Variants in DNER observed in about 807,000 individuals in gnomAD.
The protein encoded by DNER is delta/notch like EGF repeat containing.
Under a neutral mutation model 78.2 loss-of-function variants are expected in DNER, and 33 were observed. The ratio of observed to expected loss-of-function variants is 0.42; its 90% CI spans 0.32 to 0.56. The LOEUF is 0.56. Ranked by LOEUF, DNER falls within the 20% of genes least tolerant of loss-of-function variation. The pLI is 0.11. For synonymous variants in DNER, 417 were observed against 384.8 expected (o/e 1.08, Z -0.98); for missense variants, 918 against 975.3 (o/e 0.94, Z 0.78).
rs193062618 is a variant in DNER, at chr2:229,636,264, C to A, written c.277-44376G>T. Among the ~76,000 whole-genome samples, 3 of 152,292 alleles carry A rather than the reference C, an allele frequency of 2.0e-5. No homozygotes were observed. The East Asian group carries it at 5.8e-4, about 29-fold the overall frequency. On this transcript the variant is annotated intron_variant, in intron 1 of 12. Coordinates refer to ENST00000341772, the MANE Select transcript of DNER (RefSeq NM_139072.4). Reference sequence around the variant, plus strand: ...TCACATCCAACAGCTGGGCTCAGTCCCTCAGAATCCCTGAGTCAGAAGCAC... The same window carrying A: ...TCACATCCAACAGCTGGGCTCAGTCACTCAGAATCCCTGAGTCAGAAGCAC...
intron 4 of DNER, among the ~76,000 whole-genome samples, chr2:229,548,151 T>C (rs575137701): frequency 2.0e-5 from 3 of 152,124 alleles, no homozygotes; most frequent in South Asian, 2.1e-4. Flanking sequence ...TAGGAGTCAG[T>C]GGGGAAAAGA....
Position 229,447,405 on chromosome 2 carries a change from G to A in DNER, c.1397C>T (p.Ala466Val), listed in dbSNP as rs1220907594. The change falls in exon 8 of 13, where the codon GCC becomes GTC. Residue 466 changes from alanine to valine, a missense_variant. Coordinates refer to ENST00000341772, the MANE Select transcript of DNER (RefSeq NM_139072.4). ...CSPGFTGPTCAQLIDFCALSP... is the reference protein window; with the variant it reads ...CSPGFTGPTCVQLIDFCALSP... ...GAGGGCACAGAAGTCAATAAGCTGGGCACAGGTCGGCCCTGTGAAGCCCGG... is the reference window on the plus strand; with the variant it reads ...GAGGGCACAGAAGTCAATAAGCTGGACACAGGTCGGCCCTGTGAAGCCCGG... The A allele has an allele frequency of 1.2e-6, 2 of 1,613,788 alleles. No individual in the cohort carries two copies. The highest frequency in any genetic ancestry group is 4.5e-5 in the East Asian group (2 of 44,874).
At chr2:229,380,512 C>T (rs1299593065) in intron 11 of DNER, among the ~76,000 whole-genome samples, 1 of 152,218 alleles carries the variant, frequency 6.6e-6, no homozygotes, top group Non-Finnish European at 1.5e-5. Context: ...AGGGAGGAAA[C>T]TTTCACCCAA....
chr2:229,457,127 A>G (rs1267471512), intron 7 of DNER, among the ~76,000 whole-genome samples: 1 of 152,118 alleles, frequency 6.6e-6, no homozygotes, highest in Non-Finnish European at 1.5e-5. Context: ...CAGCTGAGAA[A>G]GTTTGTTGCC....
intron 7 of DNER, among the ~76,000 whole-genome samples, chr2:229,475,761 A>G (rs566620974): frequency 6.6e-6 from 1 of 152,318 alleles, no homozygotes; most frequent in Non-Finnish European, 1.5e-5. Context: ...TGTAACTTTC[A>G]GGTAACAATC....
rs150551751 is a variant in DNER at position 229,415,249 on chromosome 2, C to A, written c.1609+2859G>T. ...TAGTTGCTAGCTTTCAAAGAGCAAG[C>A]TGTCACAAATCCTACAGCCACGAGG... On this transcript the variant is annotated intron_variant, in intron 9 of 12. Transcript: ENST00000341772. Among the ~76,000 whole-genome samples, 472 of 152,246 alleles carry A rather than the reference C, an allele frequency of 3.1e-3. 3 individuals carry two copies. The highest frequency in any genetic ancestry group is 0.011 in the African/African-American group (442 of 41,538).
At chr2:229,651,760 T>C (rs1056785402) in intron 1 of DNER, among the ~76,000 whole-genome samples, 3 of 152,148 alleles carry the variant, frequency 2.0e-5, no homozygotes, top group African/African-American at 7.2e-5. Flanking sequence ...AATAAGTCCC[T>C]GGATTTCAAA....
intron 1 of DNER, among the ~76,000 whole-genome samples, chr2:229,701,364 A>G (rs1699743829): frequency 6.6e-6 from 1 of 152,266 alleles, no homozygotes; most frequent in Non-Finnish European, 1.5e-5. Context: ...TAAGGTTGCC[A>G]TATTTAGCTA....
At chr2:229,464,652 T>C (rs113143684) in intron 7 of DNER, among the ~76,000 whole-genome samples, 1 of 152,162 alleles carries the variant, frequency 6.6e-6, no homozygotes, top group African/African-American at 2.4e-5. Context: ...TTCAAGACTT[T>C]CCATTCTAGT....
intron 4 of DNER, among the ~76,000 whole-genome samples, chr2:229,578,174 C>A (rs1253481742): frequency 6.6e-6 from 1 of 152,172 alleles, no homozygotes; most frequent in Non-Finnish European, 1.5e-5. Flanking sequence ...TGCTAAGCAT[C>A]TTTCACTTCC....
intron 1 of DNER, among the ~76,000 whole-genome samples, chr2:229,621,935 A>T (rs1338414115): frequency 2.0e-5 from 3 of 152,128 alleles, no homozygotes; most frequent in Non-Finnish European, 4.4e-5. Flanking sequence ...AATAAAAAAA[A>T]ATTAGCTGGG....
intron 7 of DNER, among the ~76,000 whole-genome samples, chr2:229,476,003 C>T (rs946799023): frequency 1.3e-5 from 2 of 152,166 alleles, no homozygotes; most frequent in East Asian, 1.9e-4. Flanking sequence ...CCTTCAGCAA[C>T]GTTTCCAAGT....
chr2:229,549,219 T>C lies in DNER; in HGVS notation c.848-2127A>G, dbSNP rs75176631. Among the ~76,000 whole-genome samples, 156 of 152,328 alleles carry C rather than the reference T, an allele frequency of 1.0e-3. 3 individuals carry two copies. The East Asian group carries it at 0.027, about 26-fold the overall frequency. On this transcript the variant is annotated intron_variant, in intron 4 of 12. Transcript: ENST00000341772. The stretch of plus-strand genomic sequence containing the variant: ...ATGGAGCTTCTGACCACCTATATAA[T>C]ATTTTATTTATGTATTAATAATACA...
At chr2:229,632,312 G>A (rs1698445080) in intron 1 of DNER, among the ~76,000 whole-genome samples, 1 of 152,134 alleles carries the variant, frequency 6.6e-6, no homozygotes, top group South Asian at 2.1e-4. Context: ...CATTGAGTAG[G>A]AGACTCTGAC....
intron 4 of DNER, among the ~76,000 whole-genome samples, chr2:229,556,283 T>G (rs1490742003): frequency 1.3e-5 from 2 of 152,250 alleles, no homozygotes; most frequent in African/African-American, 4.8e-5. Flanking sequence ...CACTCCAAAC[T>G]TTCAGGCAAA....
intron 1 of DNER, among the ~76,000 whole-genome samples, chr2:229,593,235 C>A (rs900743436): frequency 1.3e-5 from 2 of 151,948 alleles, no homozygotes; most frequent in Non-Finnish European, 2.9e-5. Context: ...TTTGGTCAGG[C>A]CCCTTCCTCT....
At chr2:229,704,229 C>A (rs755819275) in intron 1 of DNER, among the ~76,000 whole-genome samples, 6 of 152,222 alleles carry the variant, frequency 3.9e-5, no homozygotes, top group African/African-American at 9.6e-5. Flanking sequence ...ATGCAAGCAA[C>A]TGGAAGCCTC....
chr2:229,492,514 G>T (rs1302911651), intron 6 of DNER, among the ~76,000 whole-genome samples: 2 of 152,154 alleles, frequency 1.3e-5, no homozygotes, highest in African/African-American at 4.8e-5. Context: ...TCAAAGATGG[G>T]CCCCGAGTGA....
intron 10 of DNER, among the ~76,000 whole-genome samples, chr2:229,403,534 C>A (rs976979114): frequency 6.6e-6 from 1 of 152,150 alleles, no homozygotes; most frequent in African/African-American, 2.4e-5. Flanking sequence ...ATTAACAGCA[C>A]AACCCCTAAA....
Sources: allele counts gnomAD v4.1 joint callset (sites outside exome capture counted in the v4.1 genomes callset), GRCh38; gene constraint gnomAD v4.1.1; transcripts MANE v1.5; gene names NCBI Gene and HGNC (gene_info 2026-07-23, HGNC 2026-07-21).